Variants in CXCL13 observed in about 807,000 individuals in gnomAD.
CXCL13 encodes the protein C-X-C motif chemokine ligand 13.
In CXCL13, 7 loss-of-function variants were observed where a neutral mutation model predicts 12.2. The ratio of observed to expected loss-of-function variants is 0.57; its 90% CI spans 0.33 to 1.07. The LOEUF (loss-of-function observed/expected upper bound fraction) is 1.07, where lower values mean the gene tolerates loss of function less well. Among genes scored for constraint, CXCL13 ranks in the 50% least tolerant of loss-of-function variants. The pLI, the probability that CXCL13 is intolerant of heterozygous loss-of-function variation, is 0.04. For missense variants in CXCL13, 113 were observed against 127.4 expected, an observed-to-expected ratio of 0.89 and a Z score of 0.55; for synonymous variants, 47 against 42.4, an observed-to-expected ratio of 1.11 and a Z score of -0.42.
intron 1 of CXCL13, among the ~76,000 whole-genome samples, chr4:77,523,076 C>A (rs1724656536): frequency 6.6e-6 from 1 of 152,174 alleles, no homozygotes; most frequent in Non-Finnish European, 1.5e-5. Context: ...GCTGAGAGAT[C>A]AACTGTTAGT....
chr4:77,600,853 G>A (rs752087718), upstream of CXCL13, among the ~76,000 whole-genome samples: 4 of 152,136 alleles, frequency 2.6e-5, no homozygotes, highest in Non-Finnish European at 4.4e-5. Context: ...CAGATTTTTA[G>A]GGGTTTTTCT....
intron 1 of CXCL13, among the ~76,000 whole-genome samples, chr4:77,580,250 A>G (rs563277130): frequency 2.7e-5 from 4 of 150,864 alleles, no homozygotes; most frequent in South Asian, 4.2e-4. Context: ...TTTTATACAA[A>G]TAAATTTTAA....
intron 1 of CXCL13, among the ~76,000 whole-genome samples, chr4:77,590,696 C>T (rs1726583188): frequency 6.6e-6 from 1 of 152,184 alleles, no homozygotes; most frequent in Non-Finnish European, 1.5e-5. Flanking sequence ...ATGTCACACA[C>T]TCATTCTGTG....
At chr4:77,531,210 G>C (rs1724908174) in intron 1 of CXCL13, among the ~76,000 whole-genome samples, 1 of 149,162 alleles carries the variant, frequency 6.7e-6, no homozygotes, top group South Asian at 2.1e-4. Context: ...TGCCAAGTTG[G>C]TGTGCTGCAC....
chr4:77,519,383 G>T (rs184425938), intron 1 of CXCL13, among the ~76,000 whole-genome samples: 2 of 152,264 alleles, frequency 1.3e-5, no homozygotes, highest in African/African-American at 4.8e-5. Context: ...GCTGTAGACC[G>T]GAGCTGTTCC....
intron 1 of CXCL13, among the ~76,000 whole-genome samples, chr4:77,579,178 G>A (rs1468216704): frequency 6.6e-6 from 1 of 152,194 alleles, no homozygotes; most frequent in East Asian, 1.9e-4. Flanking sequence ...GTTGGGAAAT[G>A]CCCCACTGTC....
At chr4:77,600,275 G>A (rs752975200) in intron 1 of CXCL13, among the ~76,000 whole-genome samples, 8 of 151,914 alleles carry the variant, frequency 5.3e-5, no homozygotes, top group East Asian at 3.9e-4. Context: ...TGAGAGGAGC[G>A]GAATAGCTAG....
At chr4:77,606,993 T>C (rs1026448869) in intron 1 of CXCL13, among the ~76,000 whole-genome samples, 1 of 152,236 alleles carries the variant, frequency 6.6e-6, no homozygotes. Flanking sequence ...GATTGCCTTT[T>C]GTTCTGTAAT....
At chr4:77,554,017 C>G (rs985218708) in intron 1 of CXCL13, among the ~76,000 whole-genome samples, 2 of 151,974 alleles carry the variant, frequency 1.3e-5, no homozygotes, top group Non-Finnish European at 2.9e-5. Flanking sequence ...CTGTAGTAAC[C>G]ATTTTACAAT....
intron 1 of CXCL13, among the ~76,000 whole-genome samples, chr4:77,589,602 T>C (rs1229773794): frequency 6.6e-6 from 1 of 152,176 alleles, no homozygotes; most frequent in Admixed American, 6.5e-5. Context: ...ATCCCCAGTT[T>C]TAGACATCCA....
intron 1 of CXCL13, among the ~76,000 whole-genome samples, chr4:77,535,814 C>G (rs1056924646): frequency 6.6e-6 from 1 of 152,166 alleles, no homozygotes; most frequent in African/African-American, 2.4e-5. Context: ...ATAACTTCAG[C>G]TCCCAGATGT....
chr4:77,542,429 G>C (rs748915551), intron 1 of CXCL13, among the ~76,000 whole-genome samples: 3 of 151,870 alleles, frequency 2.0e-5, no homozygotes, highest in Non-Finnish European at 4.4e-5. Flanking sequence ...GGGATTTTTG[G>C]TCTAATTGAG....
intron 1 of CXCL13, among the ~76,000 whole-genome samples, chr4:77,547,420 T>A (rs1310834375): frequency 6.6e-6 from 1 of 152,238 alleles, no homozygotes; most frequent in African/African-American, 2.4e-5. Context: ...GCTCCTGTAT[T>A]GGGTGCATAT....
At chr4:77,549,082 C>A (rs577975420) in intron 1 of CXCL13, among the ~76,000 whole-genome samples, 39 of 152,258 alleles carry the variant, frequency 2.6e-4, no homozygotes, top group African/African-American at 8.9e-4. Context: ...TCATTTCATA[C>A]ATTTGATCTT....
chr4:77,573,364 G>T (rs1311236099), intron 1 of CXCL13, among the ~76,000 whole-genome samples: 22 of 14,924 alleles, frequency 1.5e-3, no homozygotes, highest in South Asian at 2.8e-3. Context: ...TGGGTCTTTT[G>T]TGTGTGTGTG....
intron 1 of CXCL13, among the ~76,000 whole-genome samples, chr4:77,526,141 G>C (rs967985449): frequency 1.8e-4 from 28 of 151,978 alleles, no homozygotes; most frequent in Non-Finnish European, 2.6e-4. Context: ...TTAAAACAAA[G>C]TTGGTATATC....
At chr4:77,532,882 G>C (rs1289905776) in intron 1 of CXCL13, among the ~76,000 whole-genome samples, 3 of 152,052 alleles carry the variant, frequency 2.0e-5, no homozygotes, top group Non-Finnish European at 2.9e-5. Context: ...CTCATGCCTT[G>C]GTTTTCAGCT....
chr4:77,536,319 T>C (rs1725057727), intron 1 of CXCL13, among the ~76,000 whole-genome samples: 4 of 152,210 alleles, frequency 2.6e-5, no homozygotes. Context: ...ATCATCCTTT[T>C]CAGATAAATC....
At chr4:77,534,022 G>T (rs1724995204) in intron 1 of CXCL13, among the ~76,000 whole-genome samples, 1 of 152,152 alleles carries the variant, frequency 6.6e-6, no homozygotes, top group Admixed American at 6.6e-5. Flanking sequence ...CTCATGCTTG[G>T]TGCACTGCAC....
Sources: gnomAD v4.1 joint callset for allele counts (sites outside exome capture counted in the v4.1 genomes callset) on GRCh38, gnomAD v4.1.1 for gene constraint, MANE v1.5 for transcripts, NCBI Gene and HGNC (gene_info 2026-07-23, HGNC 2026-07-21) for gene names.